The following BRINP2 variants were observed in gnomAD, a reference collection of about 807,000 sequenced individuals.
BRINP2 encodes the protein BMP/retinoic acid inducible neural specific 2.
A neutral mutation model predicts 69.2 loss-of-function variants in BRINP2; 21 were observed. The ratio of observed to expected loss-of-function variants is 0.30; its 90% CI spans 0.22 to 0.44. The LOEUF (loss-of-function observed/expected upper bound fraction) is 0.44, where lower values mean the gene tolerates loss of function less well. Ranked by LOEUF, BRINP2 falls within the 20% of genes least tolerant of loss-of-function variation. The pLI, the probability that BRINP2 is intolerant of heterozygous loss-of-function variation, is 1.00. For missense variants in BRINP2, 877 were observed against 986.0 expected (o/e 0.89, Z 1.48); for synonymous variants, 380 against 394.1 (o/e 0.96, Z 0.42).
At chr1:177,245,369 G>C (rs1650342210) in intron 2 of BRINP2, among the ~76,000 whole-genome samples, 1 of 152,140 alleles carries the variant, frequency 6.6e-6, no homozygotes, top group South Asian at 2.1e-4. Context: ...TTAGTCCAAA[G>C]AAGAATGGCC....
At chr1:177,264,857 A>G (rs1260557144) in intron 4 of BRINP2, among the ~76,000 whole-genome samples, 1 of 152,244 alleles carries the variant, frequency 6.6e-6, no homozygotes, top group African/African-American at 2.4e-5. Flanking sequence ...AAGAATCAAT[A>G]TCATGAAAAT....
At chr1:177,196,407 C>T (rs921643321) in intron 1 of BRINP2, among the ~76,000 whole-genome samples, 5 of 152,100 alleles carry the variant, frequency 3.3e-5, no homozygotes, top group Non-Finnish European at 5.9e-5. Context: ...CACCTGAGGT[C>T]GGGAGTTTGA....
intron 1 of BRINP2, among the ~76,000 whole-genome samples, chr1:177,185,101 G>A (rs1000246539): frequency 6.6e-6 from 1 of 151,898 alleles, no homozygotes; most frequent in African/African-American, 2.4e-5. Context: ...CGGTTTGGTA[G>A]AATATTAACG....
chr1:177,182,592 G>A (rs1294023233), intron 1 of BRINP2, among the ~76,000 whole-genome samples: 1 of 152,150 alleles, frequency 6.6e-6, no homozygotes, highest in African/African-American at 2.4e-5. Flanking sequence ...GAACGCACCA[G>A]TACAGGCTTA....
chr1:177,174,059 C>G (rs7514506), intron 1 of BRINP2, among the ~76,000 whole-genome samples: 5 of 152,128 alleles, frequency 3.3e-5, no homozygotes, highest in Non-Finnish European at 7.3e-5. Context: ...AATCCTCACA[C>G]GGCTTATTGT....
intron 1 of BRINP2, among the ~76,000 whole-genome samples, chr1:177,201,988 A>G (rs1021207709): frequency 6.6e-6 from 1 of 152,204 alleles, no homozygotes; most frequent in Admixed American, 6.5e-5. Context: ...TTATTTGCGT[A>G]GAGGTGCTCA....
At chr1:177,192,313 T>C (rs1334299289) in intron 1 of BRINP2, among the ~76,000 whole-genome samples, 1 of 152,182 alleles carries the variant, frequency 6.6e-6, no homozygotes, top group East Asian at 1.9e-4. Flanking sequence ...GGTTTTTTAG[T>C]TGATGGCCCA....
At chr1:177,267,096 G>T (rs1015037037) in intron 4 of BRINP2, among the ~76,000 whole-genome samples, 3 of 152,170 alleles carry the variant, frequency 2.0e-5, no homozygotes, top group Admixed American at 6.5e-5. Context: ...AGGCTCTTCT[G>T]CTCAGTGTGT....
At chr1:177,187,706 T>C (rs780742495) in intron 1 of BRINP2, among the ~76,000 whole-genome samples, 19 of 152,224 alleles carry the variant, frequency 1.2e-4, no homozygotes, top group Non-Finnish European at 2.1e-4. Context: ...GAACAGTGAA[T>C]GTTGTATTCC....
At chr1:177,222,452 C>T (rs1012995704) in intron 1 of BRINP2, among the ~76,000 whole-genome samples, 6 of 152,226 alleles carry the variant, frequency 3.9e-5, no homozygotes, top group African/African-American at 1.4e-4. Flanking sequence ...GCTAGGATTA[C>T]AGGCACCTGC....
Position 177,278,499 on chromosome 1 carries a change from A to T in BRINP2, c.1013-64A>T, listed in dbSNP as rs1324715959. 4.1e-6 allele frequency: 6 copies of T among 1,481,384 alleles called. No homozygotes were observed. The African/African-American group carries it at 8.4e-5, about 21-fold the overall frequency. 91.8% of individuals were successfully genotyped at this position (1,481,384 alleles called of 1,614,324 possible). ...AGGGCCCTGGATCTGGGCAGCGTCC[A>T]CTTGCCCCTACCAGAGTTCTGCATA... is the stretch of plus-strand genomic sequence containing the variant. On this transcript the variant is annotated intron_variant, in intron 6 of 7. Transcript: ENST00000361539.
Position 177,215,656 on chromosome 1 carries a change from CT to C in BRINP2, c.-76-14138del, listed in dbSNP as rs201031528. Among the ~76,000 whole-genome samples the C allele has an allele frequency of 5.8e-3, 879 of 152,102 alleles. 15 individuals are homozygous for C. The highest frequency in any genetic ancestry group is 0.035 in the Admixed American group (532 of 15,274). On this transcript the variant is annotated intron_variant, in intron 1 of 7. Coordinates refer to ENST00000361539, the MANE Select transcript of BRINP2 (RefSeq NM_021165.4). ...GCAAACAGTGACAATTTCACTTTTT[CT>C]TTTTTTAAAATGTTTATGCCTTTTA...
chr1:177,180,015 T>C (rs886428861), intron 1 of BRINP2, among the ~76,000 whole-genome samples: 3 of 152,174 alleles, frequency 2.0e-5, no homozygotes, highest in Non-Finnish European at 4.4e-5. Context: ...TCTCTTATAA[T>C]AAAAGGTTAA....
chr1:177,194,639 A>G (rs1648687297), intron 1 of BRINP2, among the ~76,000 whole-genome samples: 1 of 152,008 alleles, frequency 6.6e-6, no homozygotes, highest in African/African-American at 2.4e-5. Context: ...ATAAGCCTTC[A>G]TTTTTTCCCT....
At chr1:177,266,758 T>TAAAA (rs1223096305) in intron 4 of BRINP2, among the ~76,000 whole-genome samples, 175 of 58,380 alleles carry the variant, frequency 3.0e-3, no homozygotes, top group Non-Finnish European at 3.7e-3. Context: ...AGACTCACTC[T>TAAAA]AAAAAAAAAA....
chr1:177,186,828 C>A (rs1442465310), intron 1 of BRINP2, among the ~76,000 whole-genome samples: 1 of 152,160 alleles, frequency 6.6e-6, no homozygotes, highest in East Asian at 1.9e-4. Flanking sequence ...AGTATCACAT[C>A]ACACTAAGCA....
intron 1 of BRINP2, among the ~76,000 whole-genome samples, chr1:177,208,118 C>A (rs1191781029): frequency 6.6e-6 from 1 of 152,174 alleles, no homozygotes; most frequent in African/African-American, 2.4e-5. Context: ...AAGAATCTAA[C>A]AGTAGAACAC....
At chr1:177,240,288 A>G (rs1404957741) in intron 2 of BRINP2, among the ~76,000 whole-genome samples, 1 of 152,156 alleles carries the variant, frequency 6.6e-6, no homozygotes, top group African/African-American at 2.4e-5. Context: ...TTTATTAGTA[A>G]CAGCGGTAAA....
chr1:177,186,334 G>GA (rs1285389664), intron 1 of BRINP2, among the ~76,000 whole-genome samples: 1 of 151,188 alleles, frequency 6.6e-6, no homozygotes, highest in South Asian at 2.1e-4. Flanking sequence ...ATACAAAAAA[G>GA]AAAAAAAGGA....
Sources: gnomAD v4.1 joint callset for allele counts (sites outside exome capture counted in the v4.1 genomes callset) on GRCh38, gnomAD v4.1.1 for gene constraint, MANE v1.5 for transcripts, NCBI Gene and HGNC (gene_info 2026-07-23, HGNC 2026-07-21) for gene names.